Variants in PTPRD observed in about 807,000 individuals in gnomAD.
The protein encoded by PTPRD is protein tyrosine phosphatase receptor type D.
PTPRD carries 34 observed loss-of-function variants against 214.5 expected under a neutral mutation model. That is an observed-to-expected ratio of 0.16 (90% confidence interval 0.12 to 0.21). The LOEUF is 0.21. Among genes scored for constraint, PTPRD ranks in the 10% least tolerant of loss-of-function variants. The probability of loss-of-function intolerance (pLI) is 1.00; values close to 1 mark genes in which losing one functional copy is unlikely to be tolerated. For missense variants in PTPRD, 2,545 were observed against 2,398.7 expected, an observed-to-expected ratio of 1.06 and a Z score of -1.27; for synonymous variants, 1,128 against 845.7, an observed-to-expected ratio of 1.33 and a Z score of -5.79.
intron 3 of PTPRD, among the ~76,000 whole-genome samples, chr9:10,301,878 G>A (rs1234020201): frequency 1.3e-5 from 2 of 152,218 alleles, no homozygotes; most frequent in East Asian, 3.9e-4. Context: ...CTTCACCAAC[G>A]TAGCAAGACA....
At position 10,036,573 on chromosome 9, in the gene PTPRD, TTTTTA is replaced by T. The variant is rs1397507718; in HGVS notation, c.-544-2788_-544-2784del. Among the ~76,000 whole-genome samples the T allele has an allele frequency of 2.7e-5, 4 of 150,456 alleles. No individual in the cohort carries two copies. The East Asian group carries it at 8.3e-4, about 31-fold the overall frequency. ...TCCACAAACAGCACAAATACATTTT[TTTTTA>T]TTTTATTTCATTTTATTATATTTTT... On this transcript the variant is annotated intron_variant, in intron 3 of 45. Coordinates refer to ENST00000381196, the MANE Select transcript of PTPRD (RefSeq NM_002839.4).
chr9:9,884,544 G>C (rs1265070199), intron 5 of PTPRD, among the ~76,000 whole-genome samples: 2 of 152,122 alleles, frequency 1.3e-5, no homozygotes, highest in Admixed American at 6.6e-5. Flanking sequence ...ATAGATGGCA[G>C]GTAGAAGCTG....
chr9:8,945,492 C>T (rs145677720), intron 11 of PTPRD, among the ~76,000 whole-genome samples: 38 of 152,080 alleles, frequency 2.5e-4, no homozygotes, highest in African/African-American at 8.7e-4. Flanking sequence ...CTATCTACTG[C>T]AATTCATCTT....
At chr9:9,888,767 C>T (rs2071996691) in intron 5 of PTPRD, among the ~76,000 whole-genome samples, 2 of 152,064 alleles carry the variant, frequency 1.3e-5, no homozygotes, top group Admixed American at 1.3e-4. Flanking sequence ...TGCCCAGCCT[C>T]AAGTGTTCCT....
In PTPRD at chr9:8,528,625, G is replaced by C. The variant is rs761192923; in HGVS notation, c.507C>G (p.Ser169Arg). 1 of 1,613,676 alleles carries C rather than the reference G, an allele frequency of 6.2e-7. No homozygotes were observed. Among genetic ancestry groups the C allele is most frequent in the Non-Finnish European group, 8.5e-7 (1 of 1,179,708 alleles). ...ACTGCTTAATACGACCATTGTTGTT[G>C]CTTGTGTCCACAGGTAAGAAATCTT... Reference protein sequence around the residue: ...WFKDFLPVDTSNNNGRIKQLR... With the variant: ...WFKDFLPVDTRNNNGRIKQLR... Residue 169 changes from serine to arginine, a missense_variant, in exon 15 of 46, where the codon AGC becomes AGG. Transcript: ENST00000381196.
chr9:9,371,892 G>A (rs1286310062), intron 9 of PTPRD, among the ~76,000 whole-genome samples: 7 of 152,146 alleles, frequency 4.6e-5, no homozygotes, highest in Admixed American at 6.5e-5. Context: ...TTCAGGAGCA[G>A]GTTGTTCAGT....
At position 8,757,526 on chromosome 9, in the gene PTPRD, C is replaced by T. The variant is rs73421251; in HGVS notation, c.-103-23580G>A. Among the ~76,000 whole-genome samples the T allele has an allele frequency of 7.3e-4, 110 of 151,440 alleles. 1 individual carries two copies. The highest frequency in any genetic ancestry group is 2.3e-3 in the African/African-American group (96 of 41,192). On this transcript the variant is annotated intron_variant, in intron 11 of 45. Transcript: ENST00000381196. Reference sequence around the variant, plus strand: ...CCAATTTGTGGGAGACCTTCAACACCGGCTGAGTATCCCAGGGAACAATAA... The same window carrying T: ...CCAATTTGTGGGAGACCTTCAACACTGGCTGAGTATCCCAGGGAACAATAA...
intron 8 of PTPRD, among the ~76,000 whole-genome samples, chr9:9,411,260 G>GTATT: frequency 4.0e-5 from 1 of 25,036 alleles, no homozygotes; most frequent in Admixed American, 3.7e-4. Flanking sequence ...ATAGCATTGT[G>GTATT]TCTTTTTTTT....
At chr9:8,696,420 A>G (rs2097911978) in intron 12 of PTPRD, among the ~76,000 whole-genome samples, 1 of 152,226 alleles carries the variant, frequency 6.6e-6, no homozygotes, top group Admixed American at 6.5e-5. Flanking sequence ...TGTGTGGAGG[A>G]AAACAGTTAA....
chr9:9,325,002 A>G (rs1969125427), intron 9 of PTPRD, among the ~76,000 whole-genome samples: 1 of 152,162 alleles, frequency 6.6e-6, no homozygotes, highest in African/African-American at 2.4e-5. Flanking sequence ...AGATGGTTGT[A>G]GATGTGTGGT....
chr9:9,035,124 T>C (rs542047537), intron 10 of PTPRD, among the ~76,000 whole-genome samples: 1 of 152,242 alleles, frequency 6.6e-6, no homozygotes, highest in African/African-American at 2.4e-5. Context: ...GTGTCTAGCA[T>C]AGAGTCTGGC....
intron 4 of PTPRD, among the ~76,000 whole-genome samples, chr9:9,938,969 T>A (rs2090526231): frequency 6.6e-6 from 1 of 151,822 alleles, no homozygotes; most frequent in Non-Finnish European, 1.5e-5. Flanking sequence ...ATTTTTAAAC[T>A]CCAGAGAGAA....
At chr9:8,629,046 G>C (rs1408475647) in intron 14 of PTPRD, among the ~76,000 whole-genome samples, 3 of 151,578 alleles carry the variant, frequency 2.0e-5, no homozygotes, top group Non-Finnish European at 3.0e-5. Flanking sequence ...AATCTACTAA[G>C]ATTTTTTAAA....
intron 35 of PTPRD, among the ~76,000 whole-genome samples, chr9:8,405,268 C>T (rs564710770): frequency 1.3e-5 from 2 of 152,076 alleles, no homozygotes; most frequent in South Asian, 4.1e-4. Context: ...TAATTTAATA[C>T]TCAGATGAAT....
intron 14 of PTPRD, among the ~76,000 whole-genome samples, chr9:8,593,668 G>T (rs1407695730): frequency 6.6e-6 from 1 of 152,136 alleles, no homozygotes. Flanking sequence ...TATCATAAAA[G>T]GTTTCGAGGC....
At chr9:8,714,719 C>T (rs2098411985) in intron 12 of PTPRD, among the ~76,000 whole-genome samples, 1 of 152,072 alleles carries the variant, frequency 6.6e-6, no homozygotes, top group Admixed American at 6.6e-5. Flanking sequence ...GTCACTTTCT[C>T]ACTGACCTGA....
intron 7 of PTPRD, among the ~76,000 whole-genome samples, chr9:9,623,393 C>T (rs1000988403): frequency 6.6e-6 from 1 of 152,094 alleles, no homozygotes; most frequent in African/African-American, 2.4e-5. Context: ...TTAAAAACCC[C>T]TCATTAGATG....
intron 7 of PTPRD, among the ~76,000 whole-genome samples, chr9:9,727,479 T>C (rs754334094): frequency 1.3e-5 from 2 of 152,106 alleles, no homozygotes; most frequent in Non-Finnish European, 1.5e-5. Flanking sequence ...AATATCTTCA[T>C]AAAAGCATTC....
At chr9:9,549,960 A>G (rs1427965169) in intron 8 of PTPRD, among the ~76,000 whole-genome samples, 3 of 152,144 alleles carry the variant, frequency 2.0e-5, no homozygotes, top group Non-Finnish European at 1.5e-5. Context: ...TGCCCAATAG[A>G]TAATTGGACT....
Sources: gnomAD v4.1 joint callset for allele counts (sites outside exome capture counted in the v4.1 genomes callset) on GRCh38, gnomAD v4.1.1 for gene constraint, MANE v1.5 for transcripts, NCBI Gene and HGNC (gene_info 2026-07-23, HGNC 2026-07-21) for gene names.